The following TMEM63C variants were observed in gnomAD, a reference collection of about 807,000 sequenced individuals.
TMEM63C encodes osmosensitive cation channel TMEM63C.
TMEM63C carries 32 observed loss-of-function variants against 99.2 expected under a neutral mutation model. The ratio of observed to expected loss-of-function variants is 0.32; its 90% CI spans 0.24 to 0.43. TMEM63C has a LOEUF of 0.43. Ranked by LOEUF, TMEM63C falls within the 20% of genes least tolerant of loss-of-function variation. The pLI is 1.00. For missense variants in TMEM63C, 826 were observed against 1,053.0 expected, an observed-to-expected ratio of 0.78 and a Z score of 2.98; for synonymous variants, 376 against 397.9, an observed-to-expected ratio of 0.94 and a Z score of 0.66.
chr14:77,231,093 G>A (rs1288378850), intron 6 of TMEM63C, among the ~76,000 whole-genome samples: 2 of 152,138 alleles, frequency 1.3e-5, no homozygotes, highest in African/African-American at 2.4e-5. Context: ...AACTCCCAGC[G>A]CCCCACACTC....
At position 77,242,949 on chromosome 14, in the gene TMEM63C, G is replaced by A. The variant is rs748952075; in HGVS notation, c.1234G>A (p.Ala412Thr). 52 of 1,613,956 alleles carry A rather than the reference G, an allele frequency of 3.2e-5. No individual in the cohort carries two copies. The highest frequency in any genetic ancestry group is 1.6e-4 in the Middle Eastern group (1 of 6,062). ...CTTCTTTTGGTGGGCCCGCTTTATC[G>A]CAATCAACACCTTCCTCTTCTTCCT... Reference protein sequence around the residue: ...RRFFWWARFIAINTFLFFLFF... With the variant: ...RRFFWWARFITINTFLFFLFF... The change falls in exon 15 of 24, where the codon GCA (alanine) becomes ACA (threonine). Residue 412 changes from alanine (A) to threonine (T), a missense_variant. Physicochemically the swap from Ala to Thr is moderately conservative, Grantham distance 58. Transcript: ENST00000298351.
In TMEM63C at chr14:77,224,163, A is replaced by C. The variant is rs77173528; in HGVS notation, c.313-1261A>C. ...CACCATCAGCCAACCCAACACAGGG[A>C]AGGGGACTTAGAAGGTGGGACTTAT... On this transcript the variant is annotated intron_variant, in intron 5 of 23. Transcript: ENST00000298351. Among the ~76,000 whole-genome samples, 505 of 152,112 alleles carry C rather than the reference A, an allele frequency of 3.3e-3. 5 individuals are homozygous for C. Among genetic ancestry groups the C allele is most frequent in the African/African-American group, 0.011 (471 of 41,542 alleles).
chr14:77,208,880 T>TGTC (rs1450182131), intron 1 of TMEM63C, among the ~76,000 whole-genome samples: 3 of 152,224 alleles, frequency 2.0e-5, no homozygotes, highest in Non-Finnish European at 4.4e-5. Context: ...AGCATGGTGC[T>TGTC]GTCCATGGTG....
chr14:77,206,331 C>G (rs1888401353), intron 1 of TMEM63C, among the ~76,000 whole-genome samples: 1 of 152,156 alleles, frequency 6.6e-6, no homozygotes, highest in African/African-American at 2.4e-5. Flanking sequence ...TGATCTCTGC[C>G]CCTGGGACTT....
At chr14:77,194,983 G>T (rs963136306) in intron 1 of TMEM63C, among the ~76,000 whole-genome samples, 1 of 151,992 alleles carries the variant, frequency 6.6e-6, no homozygotes, top group African/African-American at 2.4e-5. Flanking sequence ...GCTGGGCATG[G>T]TTGCATGTGC....
intron 13 of TMEM63C, 97 bp from the exon 14 acceptor site, chr14:77,242,250 A>T: frequency 7.4e-7 from 1 of 1,353,610 alleles, no homozygotes; most frequent in Non-Finnish European, 1.0e-6. Flanking sequence ...CATCTGTAGG[A>T]CCACCATAGT....
At chr14:77,213,135 C>A (rs781341048) in intron 1 of TMEM63C, among the ~76,000 whole-genome samples, 4 of 152,194 alleles carry the variant, frequency 2.6e-5, no homozygotes, top group Non-Finnish European at 5.9e-5. Context: ...CCCTCTAGGT[C>A]TTTGCCAACA....
At chr14:77,226,767 A>AT (rs10709163) in intron 6 of TMEM63C, among the ~76,000 whole-genome samples, 24 of 129,470 alleles carry the variant, frequency 1.9e-4, no homozygotes, top group African/African-American at 3.6e-4. Context: ...ATCAGTTGGG[A>AT]TTTTTTTTTT....
Position 77,248,380 on chromosome 14 carries a change from T to C in TMEM63C, c.1635T>C (p.Phe545=), listed in dbSNP as rs777258643. The part of the protein sequence containing the change: ...CVFLPDNGAF[F]VNYVITAALL... The stretch of plus-strand genomic sequence containing the variant: ...TCCTGCCAGACAACGGCGCCTTCTT[T>C]GTCAACTACGTGATCACGGCAGCTT... Residue 545 remains phenylalanine (F), a synonymous_variant, in exon 19 of 24, where the codon TTT becomes TTC. Transcript: ENST00000298351. 1 of 1,611,588 alleles carries C rather than the reference T, an allele frequency of 6.2e-7. No individual in the cohort carries two copies. The highest frequency in any genetic ancestry group is 8.5e-7 in the Non-Finnish European group (1 of 1,178,816).
chr14:77,244,978 G>A (rs1040833810), intron 16 of TMEM63C, among the ~76,000 whole-genome samples: 2 of 152,202 alleles, frequency 1.3e-5, no homozygotes, highest in East Asian at 1.9e-4. Flanking sequence ...TGCTCACTGG[G>A]TAGAAAGTAT....
At chr14:77,198,281 A>G (rs2140095252) in intron 1 of TMEM63C, among the ~76,000 whole-genome samples, 1 of 152,362 alleles carries the variant, frequency 6.6e-6, no homozygotes, top group African/African-American at 2.4e-5. Context: ...ATCTTGGGAC[A>G]GAGAACTCAG....
intron 1 of TMEM63C, among the ~76,000 whole-genome samples, chr14:77,192,971 G>T (rs1566615814): frequency 6.6e-6 from 1 of 152,182 alleles, no homozygotes; most frequent in Non-Finnish European, 1.5e-5. Flanking sequence ...AATGGGAAAG[G>T]CTTTTTAAGC....
intron 8 of TMEM63C, among the ~76,000 whole-genome samples, chr14:77,234,100 C>T (rs1888994017): frequency 6.6e-6 from 1 of 152,222 alleles, no homozygotes. Context: ...GACTGGAGGC[C>T]ATATCAATTT....
Position 77,245,884 on chromosome 14 carries a change from C to T in TMEM63C, c.1449-56C>T. The T allele has an allele frequency of 3.9e-6, 5 of 1,283,260 alleles. No homozygotes were observed. The South Asian group carries it at 5.9e-5, about 15-fold the overall frequency. The allele number at this position is 1,283,260 out of a possible 1,614,324, so 79.5% of individuals were successfully genotyped here. A position where few individuals can be genotyped will look rare whatever the true frequency, so the allele number is the denominator to read the frequency against. ...TCTTCCTCTCTATTACATAGTTAGG[C>T]CTTTGGTTCTTATTAGGCCACGTCC... On this transcript the variant is annotated intron_variant, in intron 16 of 23. Transcript: ENST00000298351.
chr14:77,249,436 GTTC>G lies in TMEM63C; in HGVS notation c.2021_2023del (p.Phe674del). On this transcript the variant is annotated inframe_deletion, in exon 21 of 24. Transcript: ENST00000298351. ...CACTCTTGGGTCTGTTCTGGATGCTGTTCTTCTCCATCCTGCGGTTGGGTAGGT... is the reference window on the plus strand; with the variant it reads ...CACTCTTGGGTCTGTTCTGGATGCTGTTCTCCATCCTGCGGTTGGGTAGGT... 6.2e-7 allele frequency: 1 copy of G among 1,614,010 alleles called. No individual in the cohort carries two copies. Among genetic ancestry groups the G allele is most frequent in the Non-Finnish European group, 8.5e-7 (1 of 1,179,888 alleles).
At chr14:77,200,420 G>A (rs1888280606) in intron 1 of TMEM63C, among the ~76,000 whole-genome samples, 1 of 152,332 alleles carries the variant, frequency 6.6e-6, no homozygotes, top group South Asian at 2.1e-4. Context: ...TGAATAGAGA[G>A]CTCCCACTAT....
chr14:77,184,845 A>C (rs888067), intron 1 of TMEM63C, among the ~76,000 whole-genome samples: 91,764 of 151,618 alleles, frequency 0.61, 29,461 homozygotes, highest in East Asian at 0.78. Flanking sequence ...TGGGCAGCTC[A>C]CGAAGTATGG....
In TMEM63C at chr14:77,198,098, G is replaced by A. The variant is rs1040980845; in HGVS notation, c.-76-15348G>A. Among the ~76,000 whole-genome samples the A allele has an allele frequency of 2.6e-5, 4 of 152,236 alleles. No homozygotes were observed. The South Asian group carries it at 6.2e-4, about 24-fold the overall frequency. ...CATCAGAGTCAAGAGAGGACACTTG[G>A]CCATTGCCCAGACAGGCAGTGACCG... is the stretch of plus-strand genomic sequence containing the variant. On this transcript the variant is annotated intron_variant, in intron 1 of 23. Transcript: ENST00000298351.
chr14:77,220,167 C>T, intron 5 of TMEM63C, 80 bp downstream of exon 5: 2 of 1,357,478 alleles, frequency 1.5e-6, no homozygotes, highest in Non-Finnish European at 2.0e-6. Flanking sequence ...AGAAACACGG[C>T]TTAGACCTTG....
Sources: gnomAD v4.1 joint callset for allele counts (sites outside exome capture counted in the v4.1 genomes callset) on GRCh38, gnomAD v4.1.1 for gene constraint, MANE v1.5 for transcripts, NCBI Gene and HGNC (gene_info 2026-07-23, HGNC 2026-07-21) for gene names.